Variants in SUPV3L1 observed in about 807,000 individuals in gnomAD.
The protein encoded by SUPV3L1 is Suv3 like RNA helicase.
Under a neutral mutation model 70.0 loss-of-function variants are expected in SUPV3L1, and 35 were observed. The ratio of observed to expected loss-of-function variants is 0.50; its 90% CI spans 0.38 to 0.66. SUPV3L1 has a LOEUF of 0.66. Among genes scored for constraint, SUPV3L1 ranks in the 30% least tolerant of loss-of-function variants. The probability of loss-of-function intolerance (pLI) is 0.00; values close to 1 mark genes in which losing one functional copy is unlikely to be tolerated. For missense variants in SUPV3L1, 777 were observed against 961.5 expected (o/e 0.81, Z 2.54); for synonymous variants, 364 against 341.9 (o/e 1.06, Z -0.71).
intron 13 of SUPV3L1, among the ~76,000 whole-genome samples, chr10:69,205,289 A>G (rs567834376): frequency 6.6e-6 from 1 of 152,324 alleles, no homozygotes; most frequent in Admixed American, 6.5e-5. Flanking sequence ...TGGCCTTGGC[A>G]CCATTCACAC....
chr10:69,208,786 G>A lies in SUPV3L1; in HGVS notation c.2112G>A (p.Lys704=). The change falls in exon 15 of 15, where the codon AAG becomes AAA. Residue 704 remains lysine, a synonymous_variant. Coordinates refer to ENST00000359655, the MANE Select transcript of SUPV3L1 (RefSeq NM_003171.5). ...GSQSRLSGTL[K]SQARRTRGTK... is the part of the protein sequence containing the mutation. ...AGTCACGATTGTCAGGAACCTTAAA[G>A]AGCCAAGCTAGAAGGACACGCGGCA... 1.9e-6 allele frequency: 3 copies of A among 1,614,194 alleles called. No homozygotes were observed. In the African/African-American group the frequency reaches 4.0e-5, roughly 22 times the overall value.
rs1364967257 is a variant in SUPV3L1, at chr10:69,191,670, T to C, written c.757T>C (p.Leu253=). The C allele has an allele frequency of 2.5e-6, 4 of 1,613,984 alleles. No homozygotes were observed. The highest frequency in any genetic ancestry group is 3.4e-6 in the Non-Finnish European group (4 of 1,179,966). ...KSNAAGVPCD[L]VTGEERVTVQ... The stretch of plus-strand genomic sequence containing the variant: ...GTCTTTCTAGGGTGTGCCATGTGAC[T>C]TGGTGACAGGTGAAGAGCGTGTGAC... Residue 253 remains leucine, a synonymous_variant, in exon 6 of 15, where the codon TTG becomes CTG. Coordinates refer to ENST00000359655, the MANE Select transcript of SUPV3L1 (RefSeq NM_003171.5).
rs190355797 is a variant in SUPV3L1, at chr10:69,189,694, T to C, written c.741+259T>C. Reference sequence around the variant, plus strand: ...TGGAGTCTCGCTTTGTCACCCAGGCTGGAGTGCAGTGGTGCGATCTTGGCT... The same window carrying C: ...TGGAGTCTCGCTTTGTCACCCAGGCCGGAGTGCAGTGGTGCGATCTTGGCT... On this transcript the variant is annotated intron_variant, in intron 5 of 14. Coordinates refer to ENST00000359655, the MANE Select transcript of SUPV3L1 (RefSeq NM_003171.5). Among the ~76,000 whole-genome samples the C allele has an allele frequency of 3.5e-3, 513 of 144,726 alleles. 6 individuals are homozygous for C. Among genetic ancestry groups the C allele is most frequent in the African/African-American group, 0.012 (490 of 40,178 alleles). 94.9% of individuals were successfully genotyped at this position (144,726 alleles called of 152,430 possible).
chr10:69,198,314 C>T (rs1842594696), intron 8 of SUPV3L1, 58 bp from the exon 9 acceptor site: 1 of 1,474,160 alleles, frequency 6.8e-7, no homozygotes, highest in Admixed American at 2.2e-5. Context: ...CACTTAATTA[C>T]TAGTCACAAG....
At chr10:69,197,353 C>A (rs73278611) in intron 8 of SUPV3L1, among the ~76,000 whole-genome samples, 2 of 151,836 alleles carry the variant, frequency 1.3e-5, no homozygotes, top group Admixed American at 6.6e-5. Context: ...TAGATCTCTT[C>A]GAATTAAATA....
chr10:69,203,976 C>G (rs1342716555), intron 13 of SUPV3L1, among the ~76,000 whole-genome samples: 1 of 152,094 alleles, frequency 6.6e-6, no homozygotes, highest in African/African-American at 2.4e-5. Context: ...CATCCCACCT[C>G]AGCCTCCCAA....
At chr10:69,208,571 G>T (rs1349536013) in intron 14 of SUPV3L1, 29 bp from the exon 15 acceptor site, 6 of 1,593,348 alleles carry the variant, frequency 3.8e-6, no homozygotes, top group Non-Finnish European at 5.1e-6. Flanking sequence ...AAGAGCTGTT[G>T]CTATAATGCT....
intron 5 of SUPV3L1, among the ~76,000 whole-genome samples, chr10:69,190,332 G>A (rs551404951): frequency 4.2e-4 from 64 of 152,170 alleles, no homozygotes; most frequent in African/African-American, 1.5e-3. Context: ...TGTAGTCTGA[G>A]GCATCATTTT....
intron 11 of SUPV3L1, 84 bp downstream of exon 11, chr10:69,200,583 A>G (rs907437115): frequency 8.4e-7 from 1 of 1,193,470 alleles, no homozygotes; most frequent in African/African-American, 1.5e-5. Context: ...CTCACCTCAG[A>G]CACATTTCTG....
At chr10:69,182,944 C>T (rs919491839) in intron 1 of SUPV3L1, among the ~76,000 whole-genome samples, 4 of 152,180 alleles carry the variant, frequency 2.6e-5, no homozygotes, top group South Asian at 2.1e-4. Flanking sequence ...CATTCTCTCT[C>T]TCCCCTCACT....
chr10:69,198,629 AT>A (rs1842605741), intron 9 of SUPV3L1, 77 bp downstream of exon 9: 3 of 1,406,296 alleles, frequency 2.1e-6, no homozygotes, highest in African/African-American at 2.9e-5. Flanking sequence ...ATATAAAAAA[AT>A]GGTAAACAAT....
chr10:69,198,582 A>G (rs776234969), intron 9 of SUPV3L1, 30 bp downstream of exon 9: 2 of 1,603,202 alleles, frequency 1.2e-6, no homozygotes, highest in Non-Finnish European at 1.7e-6. Flanking sequence ...GTGACAAGAT[A>G]TGAAATCTCC....
chr10:69,185,416 G>C (rs1323244900), intron 1 of SUPV3L1, among the ~76,000 whole-genome samples: 5 of 152,084 alleles, frequency 3.3e-5, no homozygotes, highest in Non-Finnish European at 7.4e-5. Flanking sequence ...CCTGGTGAAG[G>C]CTTGAGGCTG....
chr10:69,187,216 G>A (rs1842254135), intron 3 of SUPV3L1, among the ~76,000 whole-genome samples: 1 of 151,938 alleles, frequency 6.6e-6, no homozygotes, highest in Non-Finnish European at 1.5e-5. Flanking sequence ...GGAGTAGGAC[G>A]TGGTGGTTGC....
intron 5 of SUPV3L1, among the ~76,000 whole-genome samples, chr10:69,191,359 G>A (rs1329693195): frequency 6.6e-6 from 1 of 151,270 alleles, no homozygotes; most frequent in Non-Finnish European, 1.5e-5. Context: ...CTCCCGAGTA[G>A]CTGGGACCAC....
rs756842441 is a variant in SUPV3L1 at position 69,186,443 on chromosome 10, C to T, written c.350C>T (p.Ala117Val). 1 of 1,611,058 alleles carries T rather than the reference C, an allele frequency of 6.2e-7. No individual in the cohort carries two copies. The highest frequency in any genetic ancestry group is 1.7e-5 in the Admixed American group (1 of 59,946). ...QKLGADYGLDARLFHQAFISF... is the reference protein window; with the variant it reads ...QKLGADYGLDVRLFHQAFISF... ...ATCTTTTCATTTTGTGTTTCTACAGCTCGTCTCTTCCACCAAGCTTTCATA... is the reference window on the plus strand; with the variant it reads ...ATCTTTTCATTTTGTGTTTCTACAGTTCGTCTCTTCCACCAAGCTTTCATA... The change falls in exon 3 of 15, where the codon GCT becomes GTT. Residue 117 changes from alanine to valine, a missense_variant and splice_region_variant. Physicochemically the swap from Ala to Val is moderately conservative, Grantham distance 64. Coordinates refer to ENST00000359655, the MANE Select transcript of SUPV3L1 (RefSeq NM_003171.5).
At chr10:69,185,832 A>T (rs1454467219) in intron 1 of SUPV3L1, among the ~76,000 whole-genome samples, 155 bp from the exon 2 acceptor site, 1 of 152,134 alleles carries the variant, frequency 6.6e-6, no homozygotes, top group Non-Finnish European at 1.5e-5. Flanking sequence ...CTCCCATCGC[A>T]TATGAATTCA....
chr10:69,199,858 TTTC>T (rs1842638569), intron 10 of SUPV3L1, among the ~76,000 whole-genome samples: 1 of 152,142 alleles, frequency 6.6e-6, no homozygotes, highest in Admixed American at 6.6e-5. Flanking sequence ...TATTTATTTA[TTTC>T]TGAGACAGAG....
chr10:69,189,120 G>T (rs1190336879), intron 4 of SUPV3L1, 147 bp from the exon 5 acceptor site: 1 of 777,124 alleles, frequency 1.3e-6, no homozygotes, highest in Non-Finnish European at 1.9e-6. Context: ...TTTTAATGTG[G>T]ATATGAAACC....
Sources: gnomAD v4.1 joint callset for allele counts (sites outside exome capture counted in the v4.1 genomes callset) on GRCh38, gnomAD v4.1.1 for gene constraint, MANE v1.5 for transcripts, NCBI Gene and HGNC (gene_info 2026-07-23, HGNC 2026-07-21) for gene names.